The following XRN1 variants were observed in gnomAD, a reference collection of about 807,000 sequenced individuals.
The protein encoded by XRN1 is 5'-3' exoribonuclease 1, also known as strand-exchange protein 1 homolog.
XRN1 carries 67 observed loss-of-function variants against 222.3 expected under a neutral mutation model. The ratio of observed to expected loss-of-function variants is 0.30; its 90% CI spans 0.25 to 0.37. The LOEUF (loss-of-function observed/expected upper bound fraction) is 0.37. Among genes scored for constraint, XRN1 ranks in the 10% least tolerant of loss-of-function variants. XRN1 has a pLI of 1.00. For missense variants in XRN1, 1,707 were observed against 2,000.2 expected, an observed-to-expected ratio of 0.85 and a Z score of 2.80; for synonymous variants, 643 against 652.4, an observed-to-expected ratio of 0.99 and a Z score of 0.22.
At chr3:142,419,889 A>G (rs534462457) in intron 10 of XRN1, among the ~76,000 whole-genome samples, 8 of 152,144 alleles carry the variant, frequency 5.3e-5, no homozygotes, top group Non-Finnish European at 1.0e-4. Context: ...TTACTTTTCA[A>G]GTTAACACAA....
chr3:142,374,946 C>G (rs114083639), intron 25 of XRN1, among the ~76,000 whole-genome samples: 84 of 152,246 alleles, frequency 5.5e-4, no homozygotes, highest in African/African-American at 1.9e-3. Context: ...GACAGACATA[C>G]AGAGATGAAA....
At chr3:142,428,390 C>G (rs867201941) in intron 2 of XRN1, among the ~76,000 whole-genome samples, 3 of 79,556 alleles carry the variant, frequency 3.8e-5, no homozygotes, top group South Asian at 3.4e-4. Context: ...GAGCAAGACT[C>G]TCCAAAAAAA....
At chr3:142,431,875 T>A (rs1263467875) in intron 2 of XRN1, among the ~76,000 whole-genome samples, 16 of 32,060 alleles carry the variant, frequency 5.0e-4, no homozygotes, top group African/African-American at 1.1e-3. Flanking sequence ...ATATATTATA[T>A]TATATATATT....
rs749716203 is a variant in XRN1, at chr3:142,356,986, A to G, written c.3598T>C (p.Ser1200Pro). 1 of 1,614,074 alleles carries G rather than the reference A, an allele frequency of 6.2e-7. No homozygotes were observed. Among genetic ancestry groups the G allele is most frequent in the South Asian group, 1.1e-5 (1 of 91,068 alleles). Residue 1200 changes from serine (S) to proline (P), a missense_variant, in exon 31 of 41, where the codon TCA (serine) becomes CCA (proline). Physicochemically the swap from Ser to Pro is moderately conservative, Grantham distance 74 (BLOSUM62 -1). Coordinates refer to ENST00000392981, the MANE Select transcript of XRN1 (RefSeq NM_001282857.2). Reference sequence around the variant, plus strand: ...TGCCCAGAGGAAACTGATGAACTTGAGCTATGTTGATGTACAGCTGGTTGT... The same window carrying G: ...TGCCCAGAGGAAACTGATGAACTTGGGCTATGTTGATGTACAGCTGGTTGT... ...KPQPAVHQHS[S>P]SSSVSSGHLG...
chr3:142,432,436 A>G (rs1198381142), intron 2 of XRN1, among the ~76,000 whole-genome samples: 2 of 151,054 alleles, frequency 1.3e-5, no homozygotes, highest in Non-Finnish European at 2.9e-5. Flanking sequence ...ACAAACAAAC[A>G]AACGAACAAG....
chr3:142,413,769 C>A (rs900160791), intron 14 of XRN1, among the ~76,000 whole-genome samples: 1 of 152,090 alleles, frequency 6.6e-6, no homozygotes, highest in Non-Finnish European at 1.5e-5. Context: ...CATCCCTATA[C>A]CAAAATGTAG....
chr3:142,344,613 C>G (rs563302962), intron 33 of XRN1, among the ~76,000 whole-genome samples: 1 of 151,450 alleles, frequency 6.6e-6, no homozygotes, highest in South Asian at 2.1e-4. Context: ...CAGAAATGAA[C>G]AATCAAAAAA....
intron 3 of XRN1, 110 bp from the exon 4 acceptor site, chr3:142,425,648 T>C (rs2069217720): frequency 1.2e-6 from 1 of 833,216 alleles, no homozygotes; most frequent in Non-Finnish European, 1.9e-6. Context: ...TAGGTAGGTA[T>C]AGGATCTCCA....
chr3:142,357,851 C>T (rs1242101293), intron 30 of XRN1, among the ~76,000 whole-genome samples: 2 of 152,052 alleles, frequency 1.3e-5, no homozygotes, highest in Admixed American at 1.3e-4. Flanking sequence ...GCCTGGCAAA[C>T]ATGTTGAAAC....
intron 27 of XRN1, among the ~76,000 whole-genome samples, 160 bp from the exon 28 acceptor site, chr3:142,365,526 CAT>C (rs1404273092): frequency 3.9e-5 from 6 of 151,994 alleles, no homozygotes; most frequent in Non-Finnish European, 1.5e-5. Flanking sequence ...GAAATAAACA[CAT>C]ATAAAATGCC....
At chr3:142,391,735 C>T (rs1330289339) in intron 20 of XRN1, among the ~76,000 whole-genome samples, 1 of 55,718 alleles carries the variant, frequency 1.8e-5, no homozygotes, top group Non-Finnish European at 3.3e-5. Flanking sequence ...CCCCGTCTCA[C>T]TAAAAAAAAA....
intron 1 of XRN1, among the ~76,000 whole-genome samples, chr3:142,435,762 C>CCA (rs1553745682): frequency 3.4e-5 from 2 of 58,510 alleles, no homozygotes; most frequent in African/African-American, 1.4e-4. Context: ...CCCCACCCCC[C>CCA]AAAAAAAAAA....
intron 21 of XRN1, among the ~76,000 whole-genome samples, chr3:142,384,180 G>A (rs144684900): frequency 1.7e-4 from 25 of 151,326 alleles, no homozygotes; most frequent in Non-Finnish European, 3.4e-4. Context: ...GCTGTGGCAG[G>A]AGAATGGCGT....
intron 35 of XRN1, 61 bp downstream of exon 35, chr3:142,332,906 T>C: frequency 1.3e-6 from 2 of 1,592,888 alleles, no homozygotes; most frequent in East Asian, 2.2e-5. Context: ...GCATGGGATA[T>C]GTCTGCATGG....
intron 30 of XRN1, among the ~76,000 whole-genome samples, chr3:142,359,222 T>C (rs2066550379): frequency 6.6e-6 from 1 of 152,168 alleles, no homozygotes; most frequent in Admixed American, 6.5e-5. Flanking sequence ...CCTCTTCCTT[T>C]AAACCTCCTA....
intron 11 of XRN1, 82 bp downstream of exon 11, chr3:142,418,733 C>A: frequency 7.2e-6 from 11 of 1,523,508 alleles, no homozygotes; most frequent in South Asian, 1.2e-5. Flanking sequence ...CTGTTCCACC[C>A]AAAATTAGTA....
At chr3:142,382,445 C>T (rs1236560708) in intron 22 of XRN1, among the ~76,000 whole-genome samples, 1 of 151,952 alleles carries the variant, frequency 6.6e-6, no homozygotes, top group Non-Finnish European at 1.5e-5. Flanking sequence ...TTATAATTAA[C>T]TACTGAATTT....
In XRN1 at chr3:142,306,708, C is replaced by T. The variant is rs1187375352; in HGVS notation, c.*4803G>A. 1.3e-5 allele frequency: 2 copies of T among 152,556 alleles called. No homozygotes were observed. The highest frequency in any genetic ancestry group is 3.8e-4 in the East Asian group (2 of 5,204). The allele number at this position is 152,556 out of a possible 1,614,324, so 9.5% of individuals were successfully genotyped here. ...GACTCTCATATTTTAAAATCCTTTG[C>T]ACAGCATCGTGAGGCTAACTTCATG... On this transcript the variant is annotated 3_prime_UTR_variant, in exon 41 of 41. Coordinates refer to ENST00000392981, the MANE Select transcript of XRN1 (RefSeq NM_001282857.2).
Position 142,438,433 on chromosome 3 carries a change from T to A in XRN1, c.76-5540A>T, listed in dbSNP as rs147620609. Among the ~76,000 whole-genome samples the A allele has an allele frequency of 3.9e-3, 600 of 152,150 alleles. 4 individuals are homozygous for A. The highest frequency in any genetic ancestry group is 0.013 in the African/African-American group (553 of 41,510). On this transcript the variant is annotated intron_variant, in intron 1 of 40. Transcript: ENST00000392981. ...CTGCTACATCGGTAAGCGTAACTAATCCGATAAGCAGAGGTCCATGGGTGG... is the reference window on the plus strand; with the variant it reads ...CTGCTACATCGGTAAGCGTAACTAAACCGATAAGCAGAGGTCCATGGGTGG...
Sources: allele counts gnomAD v4.1 joint callset (sites outside exome capture counted in the v4.1 genomes callset), GRCh38; gene constraint gnomAD v4.1.1; transcripts MANE v1.5; gene names NCBI Gene and HGNC (gene_info 2026-07-23, HGNC 2026-07-21).